Variants in ARID1B observed in about 807,000 individuals in gnomAD.
The protein encoded by ARID1B is AT-rich interaction domain 1B.
ARID1B carries 30 observed loss-of-function variants against 212.3 expected under a neutral mutation model. That is an observed-to-expected ratio of 0.14 (90% CI 0.11 to 0.19). The LOEUF is 0.19. Ranked by LOEUF, ARID1B falls within the 10% of genes least tolerant of loss-of-function variation. ARID1B has a pLI of 1.00. For synonymous variants in ARID1B, 1,402 were observed against 1,301.7 expected (o/e 1.08, Z -1.66); for missense variants, 2,891 against 3,204.0 (o/e 0.90, Z 2.36).
At chr6:157,111,940 C>T (rs758343079) in intron 6 of ARID1B, among the ~76,000 whole-genome samples, 11 of 152,068 alleles carry the variant, frequency 7.2e-5, no homozygotes, top group Non-Finnish European at 1.5e-4. Flanking sequence ...TGAATTGGGA[C>T]GTTTTAAACC....
chr6:156,777,823 C>T lies in ARID1B; in HGVS notation c.143C>T (p.Ala48Val). ...RDLEAGARGA[A>V]AAAAAPGPML... ...CTGGAGGCGGGGGCGCGCGGCGCGG[C>T]GGCGGCGGCGGCGGCACCGGGACCC... The change falls in exon 1 of 20, where the codon GCG (alanine) becomes GTG (valine). Residue 48 changes from alanine (A) to valine (V), a missense_variant. Ala to Val is a moderately conservative substitution (Grantham distance 64). Transcript: ENST00000636930. 1.9e-6 allele frequency: 2 copies of T among 1,046,640 alleles called. No homozygotes were observed. Among genetic ancestry groups the T allele is most frequent in the South Asian group, 4.4e-5 (1 of 22,560 alleles). The allele number at this position is 1,046,640 out of a possible 1,614,324, so 64.8% of individuals were successfully genotyped here.
At chr6:156,950,186 A>G (rs1793475328) in intron 4 of ARID1B, among the ~76,000 whole-genome samples, 1 of 152,238 alleles carries the variant, frequency 6.6e-6, no homozygotes, top group African/African-American at 2.4e-5. Flanking sequence ...GAGTAGCAAG[A>G]TCACCTAAAA....
chr6:157,106,194 A>C (rs949188013), intron 5 of ARID1B, among the ~76,000 whole-genome samples: 1 of 152,144 alleles, frequency 6.6e-6, no homozygotes, highest in African/African-American at 2.4e-5. Context: ...TGGGGAGCCC[A>C]GGACAGTGTG....
chr6:156,877,476 T>TG (rs1786653601), intron 2 of ARID1B, among the ~76,000 whole-genome samples: 1 of 152,074 alleles, frequency 6.6e-6, no homozygotes, highest in African/African-American at 2.4e-5. Context: ...CCTTGCCTGC[T>TG]GGCTCCACCT....
At chr6:157,198,687 G>A in intron 16 of ARID1B, 124 bp from the exon 17 acceptor site, 2 of 709,898 alleles carry the variant, frequency 2.8e-6, no homozygotes, top group Non-Finnish European at 4.6e-6. Flanking sequence ...TTTGTCGGAG[G>A]GGTGCGCAGT....
chr6:157,001,051 T>A (rs1271389267), intron 4 of ARID1B, among the ~76,000 whole-genome samples: 1 of 152,182 alleles, frequency 6.6e-6, no homozygotes, highest in Non-Finnish European at 1.5e-5. Flanking sequence ...TGTGGCAACA[T>A]TTCATGGCAT....
intron 6 of ARID1B, among the ~76,000 whole-genome samples, chr6:157,115,958 C>G (rs942724452): frequency 6.6e-6 from 1 of 152,062 alleles, no homozygotes; most frequent in Non-Finnish European, 1.5e-5. Flanking sequence ...ATTAGGCCAC[C>G]AAAGGCATTG....
upstream of ARID1B, among the ~76,000 whole-genome samples, chr6:156,776,139 T>A (rs994318716): frequency 6.6e-6 from 1 of 152,258 alleles, no homozygotes; most frequent in African/African-American, 2.4e-5. Context: ...AAGTATTGTT[T>A]CTGCCAGGTT....
intron 4 of ARID1B, among the ~76,000 whole-genome samples, chr6:157,081,347 CT>C (rs1431073380): frequency 6.6e-6 from 1 of 152,178 alleles, no homozygotes; most frequent in Non-Finnish European, 1.5e-5. Flanking sequence ...TACAGAGCTT[CT>C]TTGTTAACTA....
chr6:156,872,843 C>T (rs1786253243), intron 2 of ARID1B, among the ~76,000 whole-genome samples: 2 of 152,278 alleles, frequency 1.3e-5, no homozygotes, highest in Admixed American at 6.5e-5. Flanking sequence ...GGTCATCCTT[C>T]CACATAGGTT....
chr6:157,002,700 AT>A (rs778823913), intron 4 of ARID1B, among the ~76,000 whole-genome samples: 2 of 152,226 alleles, frequency 1.3e-5, no homozygotes, highest in Non-Finnish European at 1.5e-5. Context: ...TTGATCTTTC[AT>A]TCAGCCCATT....
chr6:156,908,205 A>C (rs1789564624), intron 3 of ARID1B, among the ~76,000 whole-genome samples: 2 of 152,120 alleles, frequency 1.3e-5, no homozygotes, highest in Non-Finnish European at 2.9e-5. Flanking sequence ...CCAGCCATTT[A>C]AAATTTTTGA....
intron 2 of ARID1B, among the ~76,000 whole-genome samples, chr6:156,835,108 C>T (rs182997435): frequency 4.7e-4 from 72 of 151,984 alleles, no homozygotes; most frequent in Admixed American, 2.0e-3. Flanking sequence ...GGCGTGGTGG[C>T]GGGCGCCTGT....
chr6:156,795,314 G>A (rs1192587004), intron 1 of ARID1B, among the ~76,000 whole-genome samples: 1 of 152,142 alleles, frequency 6.6e-6, no homozygotes, highest in Non-Finnish European at 1.5e-5. Flanking sequence ...CCATGAGTCC[G>A]AGGAAGTGGG....
At chr6:157,088,969 T>C (rs780007845) in intron 5 of ARID1B, among the ~76,000 whole-genome samples, 1 of 152,192 alleles carries the variant, frequency 6.6e-6, no homozygotes, top group African/African-American at 2.4e-5. Context: ...GTCCCCTTCC[T>C]TCCTCTTACT....
chr6:157,077,767 G>C (rs1413847470), intron 4 of ARID1B, among the ~76,000 whole-genome samples: 1 of 152,128 alleles, frequency 6.6e-6, no homozygotes, highest in African/African-American at 2.4e-5. Context: ...GGACATTCAA[G>C]TGTACAAGTC....
At chr6:156,891,528 GTTAATTC>G (rs1024985127) in intron 2 of ARID1B, among the ~76,000 whole-genome samples, 55 of 152,270 alleles carry the variant, frequency 3.6e-4, no homozygotes, top group African/African-American at 1.3e-3. Flanking sequence ...CTTTGAGGCT[GTTAATTC>G]TTTATACCTA....
chr6:156,866,354 T>A (rs182784206), intron 2 of ARID1B, among the ~76,000 whole-genome samples: 5 of 152,318 alleles, frequency 3.3e-5, no homozygotes, highest in Admixed American at 2.0e-4. Context: ...ACCGCCACAC[T>A]ATACTCGGAG....
intron 9 of ARID1B, 178 bp downstream of exon 9, chr6:157,167,363 A>G (rs545627453): frequency 2.4e-5 from 14 of 577,408 alleles, no homozygotes; most frequent in Non-Finnish European, 3.9e-5. Context: ...TGAGAATTAC[A>G]TTATATTTTA....
Sources: allele counts gnomAD v4.1 joint callset (sites outside exome capture counted in the v4.1 genomes callset), GRCh38; gene constraint gnomAD v4.1.1; transcripts MANE v1.5; gene names NCBI Gene and HGNC (gene_info 2026-07-23, HGNC 2026-07-21).